MARCHF2: variants seen among roughly 807,000 people sequenced by gnomAD.
MARCHF2 encodes the protein E3 ubiquitin-protein ligase MARCHF2.
MARCHF2 carries 22 observed loss-of-function variants against 24.0 expected under a neutral mutation model. The ratio of observed to expected loss-of-function variants is 0.92; its 90% confidence interval spans 0.66 to 1.31. The LOEUF is 1.31. Among genes scored for constraint, MARCHF2 ranks in the 50% most tolerant of loss-of-function variants. MARCHF2 has a pLI of 0.00. For synonymous variants in MARCHF2, 154 were observed against 153.0 expected (o/e 1.01, Z -0.05); for missense variants, 301 against 335.3 (o/e 0.90, Z 0.80).
In MARCHF2 at chr19:8,413,357, G is replaced by T. The variant is rs1203883041; in HGVS notation, c.-116G>T. On this transcript the variant is annotated 5_prime_UTR_variant, in exon 1 of 5. Transcript: ENST00000215555. Reference sequence around the variant, plus strand: ...TAGTGGCGCCGACGGGCCGGGCCGGGCCGGGACCGGGGCCGAGGCGAACCG... The same window carrying T: ...TAGTGGCGCCGACGGGCCGGGCCGGTCCGGGACCGGGGCCGAGGCGAACCG... 2 of 151,736 alleles carry T rather than the reference G, an allele frequency of 1.3e-5. No homozygotes were observed. The highest frequency in any genetic ancestry group is 1.3e-4 in the Admixed American group (2 of 15,234). 9.4% of individuals were successfully genotyped at this position (151,736 alleles called of 1,614,324 possible).
chr19:8,418,120 T>G (rs1967133313), intron 1 of MARCHF2, among the ~76,000 whole-genome samples: 1 of 152,080 alleles, frequency 6.6e-6, no homozygotes, highest in Non-Finnish European at 1.5e-5. Flanking sequence ...AGGGCTGGGC[T>G]GGAGGAAAGG....
chr19:8,437,347 C>CTTT lies in MARCHF2; in HGVS notation c.583-1040_583-1039insTTT, dbSNP rs1156296451. Reference sequence around the variant, plus strand: ...CACCACTGTTTATTTATTCATTCACCTATTTTTTTTTTTTTTTTTTTTGAG... The same window carrying CTTT: ...CACCACTGTTTATTTATTCATTCACCTTTTATTTTTTTTTTTTTTTTTTTTGAG... On this transcript the variant is annotated intron_variant, in intron 4 of 4. Coordinates refer to ENST00000215555, the MANE Select transcript of MARCHF2 (RefSeq NM_001005415.2). Among the ~76,000 whole-genome samples, 34 of 114,008 alleles carry CTTT rather than the reference C, an allele frequency of 3.0e-4. 13 individuals carry two copies. Among genetic ancestry groups the CTTT allele is most frequent in the Non-Finnish European group, 4.4e-4 (25 of 56,606 alleles). The allele number at this position is 114,008 out of a possible 152,430, so 74.8% of individuals were successfully genotyped here. A position where few individuals can be genotyped will look rare whatever the true frequency, so the allele number is the denominator to read the frequency against.
Position 8,438,708 on chromosome 19 carries a change from C to A in MARCHF2, c.*162C>A. 2 of 622,268 alleles carry A rather than the reference C, an allele frequency of 3.2e-6. No homozygotes were observed. The highest frequency in any genetic ancestry group is 5.4e-6 in the Non-Finnish European group (2 of 372,146). The allele number at this position is 622,268 out of a possible 1,614,324, so 38.5% of individuals were successfully genotyped here. On this transcript the variant is annotated 3_prime_UTR_variant, in exon 5 of 5. Transcript: ENST00000215555. ...ACCATGCAGAGCCTAGTCTGTGATCCTGTGTGAAGATATTTTCAGGGTTTT... is the reference window on the plus strand; with the variant it reads ...ACCATGCAGAGCCTAGTCTGTGATCATGTGTGAAGATATTTTCAGGGTTTT...
intron 4 of MARCHF2, among the ~76,000 whole-genome samples, chr19:8,432,632 T>A (rs28882075): frequency 1.3e-5 from 2 of 151,360 alleles, no homozygotes; most frequent in East Asian, 3.9e-4. Context: ...CTACAAAAAA[T>A]TTTAAAAAAT....
rs1461595919 is a variant in MARCHF2 at position 8,430,135 on chromosome 19, G to A, written c.373-523G>A. On this transcript the variant is annotated intron_variant, in intron 3 of 4. Coordinates refer to ENST00000215555, the MANE Select transcript of MARCHF2 (RefSeq NM_001005415.2). The surrounding 1 kb of genome is among the most constrained non-coding windows in gnomAD (Gnocchi z 4.4). ...TCCCAGAACTTTGGAAGGCCGAGGT[G>A]GGCAGATCACTTAAGGTCACAAGTT... Among the ~76,000 whole-genome samples the A allele has an allele frequency of 6.6e-6, 1 of 152,044 alleles. No individual in the cohort carries two copies. The highest frequency in any genetic ancestry group is 1.5e-5 in the Non-Finnish European group (1 of 68,014).
chr19:8,422,121 C>A, intron 2 of MARCHF2, 105 bp downstream of exon 2: 2 of 1,211,414 alleles, frequency 1.7e-6, no homozygotes, highest in Non-Finnish European at 2.3e-6. Context: ...TGACAGAGGG[C>A]CAAGTGGGTA....
At chr19:8,436,157 G>C (rs1967715898) in intron 4 of MARCHF2, among the ~76,000 whole-genome samples, 1 of 151,176 alleles carries the variant, frequency 6.6e-6, no homozygotes, top group African/African-American at 2.4e-5. Context: ...TTTTGGGGGG[G>C]ACAGAGTCTC....
chr19:8,418,003 A>G (rs1967130357), intron 1 of MARCHF2, among the ~76,000 whole-genome samples: 2 of 150,472 alleles, frequency 1.3e-5, no homozygotes, highest in South Asian at 2.1e-4. Context: ...ACCTCAGGTG[A>G]TCTGCCCACC....
Position 8,421,981 on chromosome 19 carries a change from C to T in MARCHF2, c.141C>T (p.Leu47=), listed in dbSNP as rs1439706256. The change falls in exon 2 of 5, where the codon CTC becomes CTT. Residue 47 remains leucine (L), a synonymous_variant. Coordinates refer to ENST00000215555, the MANE Select transcript of MARCHF2 (RefSeq NM_001005415.2). ...AGGTGACTTCAAGGGATGGCCGGCT[C>T]CTCTCCACCGTCATCCGTGCCTTGG... The part of the protein sequence containing the change: ...VAQVTSRDGR[L]LSTVIRALDT... The T allele has an allele frequency of 1.2e-6, 2 of 1,613,322 alleles. No homozygotes were observed. The highest frequency in any genetic ancestry group is 1.1e-5 in the South Asian group (1 of 90,846).
chr19:8,432,242 G>C (rs895339614), intron 4 of MARCHF2, among the ~76,000 whole-genome samples: 1 of 151,932 alleles, frequency 6.6e-6, no homozygotes, highest in African/African-American at 2.4e-5. Flanking sequence ...ACTGAGTGAG[G>C]CCAGGCCCAG....
chr19:8,429,479 C>CTTATTATTATTATTA (rs144546795), intron 3 of MARCHF2, among the ~76,000 whole-genome samples: 23 of 142,326 alleles, frequency 1.6e-4, no homozygotes, highest in Non-Finnish European at 3.0e-4. Context: ...AATGAAAGAA[C>CTTATTATTATTATTA]TTATTATTAT....
intron 3 of MARCHF2, among the ~76,000 whole-genome samples, chr19:8,429,073 A>G (rs1321607413): frequency 1.3e-5 from 2 of 151,962 alleles, no homozygotes; most frequent in Non-Finnish European, 2.9e-5. Flanking sequence ...ACAGCCACAC[A>G]GCCCCCTCCC....
At chr19:8,424,354 G>T (rs998062398) in intron 2 of MARCHF2, among the ~76,000 whole-genome samples, 6 of 151,812 alleles carry the variant, frequency 4.0e-5, no homozygotes, top group African/African-American at 1.5e-4. Context: ...CCAGGGGCCC[G>T]CAAAGATGTC....
Position 8,421,774 on chromosome 19 carries a change from C to T in MARCHF2, c.-52-15C>T, listed in dbSNP as rs951793117. 2.3e-5 allele frequency: 34 copies of T among 1,471,758 alleles called. No individual in the cohort carries two copies. The South Asian group carries it at 2.5e-4, about 11-fold the overall frequency. The allele number at this position is 1,471,758 out of a possible 1,614,324, so 91.2% of individuals were successfully genotyped here. The stretch of plus-strand genomic sequence containing the variant: ...ATTAACCTTGCCCCTAACCTCCGCA[C>T]TGGCCTGTTCCCAGGCTCCTGGAAC... On this transcript the variant is annotated splice_polypyrimidine_tract_variant and intron_variant, in intron 1 of 4. Transcript: ENST00000215555.
chr19:8,422,046 C>G, intron 2 of MARCHF2, 30 bp downstream of exon 2: 1 of 1,575,624 alleles, frequency 6.3e-7, no homozygotes, highest in Non-Finnish European at 8.6e-7. Context: ...ATATCCTGGC[C>G]TTTGTTGCCT....
chr19:8,426,879 C>A, intron 3 of MARCHF2, 75 bp downstream of exon 3: 2 of 1,388,382 alleles, frequency 1.4e-6, no homozygotes, highest in Non-Finnish European at 9.9e-7. Context: ...AGGAGCTGCC[C>A]CGGGCAATCT....
rs1307093603 is a variant in MARCHF2, at chr19:8,426,894, G to A, written c.372+90G>A. On this transcript the variant is annotated intron_variant, in intron 3 of 4. Transcript: ENST00000215555. ...AGGAGCTGCCCCGGGCAATCTGGTG[G>A]TCCTCCTAGGGCAGAACTCCCTACC... The A allele has an allele frequency of 2.5e-6, 3 of 1,218,472 alleles. No homozygotes were observed. In the South Asian group the frequency reaches 4.2e-5, roughly 17 times the overall value. 75.5% of individuals were successfully genotyped at this position (1,218,472 alleles called of 1,614,324 possible). A position where few individuals can be genotyped will look rare whatever the true frequency, so the allele number is the denominator to read the frequency against.
chr19:8,416,655 A>G (rs917350378), intron 1 of MARCHF2, among the ~76,000 whole-genome samples: 1 of 151,984 alleles, frequency 6.6e-6, no homozygotes, highest in Non-Finnish European at 1.5e-5. Flanking sequence ...CTGCAGCCTC[A>G]ACCTGGGTGC....
rs754077016 is a variant in MARCHF2, at chr19:8,421,994, A to G, written c.154A>G (p.Ile52Val). The G allele has an allele frequency of 1.9e-5, 30 of 1,612,994 alleles. No homozygotes were observed. Among genetic ancestry groups the G allele is most frequent in the Non-Finnish European group, 2.5e-5 (29 of 1,179,632 alleles). The change falls in exon 2 of 5, where the codon ATC becomes GTC. Residue 52 changes from isoleucine to valine, a missense_variant. Ile to Val is a conservative substitution (Grantham distance 29). Transcript: ENST00000215555. Reference protein sequence around the residue: ...SRDGRLLSTVIRALDTPSDGP... With the variant: ...SRDGRLLSTVVRALDTPSDGP... ...GGATGGCCGGCTCCTCTCCACCGTC[A>G]TCCGTGCCTTGGACACACCGAGGTG...
Sources: gnomAD v4.1 joint callset for allele counts (sites outside exome capture counted in the v4.1 genomes callset) on GRCh38, gnomAD v4.1.1 for gene constraint, Gnocchi (gnomAD v3.1) non-coding constraint, MANE v1.5 for transcripts, NCBI Gene and HGNC (gene_info 2026-07-23, HGNC 2026-07-21) for gene names.